The following DTNBP1 variants were observed in gnomAD, a reference collection of about 807,000 sequenced individuals.
DTNBP1 encodes the protein dysbindin.
Under a neutral mutation model 42.8 loss-of-function variants are expected in DTNBP1, and 35 were observed. The ratio of observed to expected loss-of-function variants is 0.82; its 90% CI spans 0.63 to 1.09. The LOEUF is 1.09. Ranked by LOEUF, DTNBP1 falls within the 50% of genes least tolerant of loss-of-function variation. The pLI is 0.00. For missense variants in DTNBP1, 457 were observed against 424.2 expected (o/e 1.08, Z -0.68); for synonymous variants, 171 against 162.2 (o/e 1.05, Z -0.41).
At chr6:15,548,215 A>G (rs2113395009) in intron 7 of DTNBP1, 1 of 152,342 alleles carries the variant, frequency 6.6e-6, no homozygotes, top group African/African-American at 2.4e-5. Context: ...AGACTGGTAA[A>G]TATCAACAGA....
At chr6:15,524,117 C>T in intron 9 of DTNBP1, 9 of 1,354,528 alleles carry the variant, frequency 6.6e-6, no homozygotes, top group Non-Finnish European at 8.7e-6. Context: ...TGGCTTTGCC[C>T]ATGGCAGGCA....
intron 7 of DTNBP1, among the ~76,000 whole-genome samples, chr6:15,550,321 G>C (rs1581305522): frequency 6.6e-6 from 1 of 151,936 alleles, no homozygotes; most frequent in South Asian, 2.1e-4. Context: ...ATACTTTTTT[G>C]GCAATTTACG....
intron 7 of DTNBP1, among the ~76,000 whole-genome samples, chr6:15,547,323 G>A (rs564998119): frequency 7.6e-4 from 116 of 152,170 alleles, no homozygotes; most frequent in South Asian, 1.7e-3. Flanking sequence ...GAGATTCCTG[G>A]ACCCCATATC....
chr6:15,629,225 C>T (rs1324456929), intron 4 of DTNBP1, among the ~76,000 whole-genome samples: 2 of 152,098 alleles, frequency 1.3e-5, no homozygotes, highest in African/African-American at 2.4e-5. Context: ...ATTTTGGATA[C>T]TGAAGATGTA....
intron 8 of DTNBP1, among the ~76,000 whole-genome samples, chr6:15,531,188 A>G (rs1349348302): frequency 6.6e-6 from 1 of 152,136 alleles, no homozygotes; most frequent in Non-Finnish European, 1.5e-5. Flanking sequence ...AGGCCTCCAG[A>G]ACTGAGGGAA....
At chr6:15,627,544 A>C (rs1203560877) in intron 4 of DTNBP1, 69 bp from the exon 5 acceptor site, 2 of 1,596,194 alleles carry the variant, frequency 1.3e-6, no homozygotes, top group East Asian at 4.5e-5. Flanking sequence ...AGTTAACGTA[A>C]TGAGATTTAA....
At chr6:15,537,255 G>C (rs567372214) in intron 7 of DTNBP1, among the ~76,000 whole-genome samples, 22,971 of 151,062 alleles carry the variant, frequency 0.15, 2,592 homozygotes, top group African/African-American at 0.31. Flanking sequence ...TGTATTTTTT[G>C]TAAAAATACA....
chr6:15,553,952 G>C (rs1010948728), intron 7 of DTNBP1, among the ~76,000 whole-genome samples: 3 of 152,086 alleles, frequency 2.0e-5, no homozygotes, highest in Non-Finnish European at 2.9e-5. Context: ...CAGGACACAA[G>C]ATCCTCATGT....
At chr6:15,584,786 C>T (rs1431564356) in intron 7 of DTNBP1, among the ~76,000 whole-genome samples, 13 of 131,836 alleles carry the variant, frequency 9.9e-5, no homozygotes, top group Admixed American at 3.4e-4. Context: ...CATGCCATAA[C>T]GTATGCCAAC....
intron 8 of DTNBP1, among the ~76,000 whole-genome samples, 160 bp downstream of exon 8, chr6:15,533,080 A>C (rs2127797515): frequency 6.6e-6 from 1 of 152,320 alleles, no homozygotes; most frequent in Middle Eastern, 3.4e-3. Flanking sequence ...AAGCAGGGCA[A>C]GAGAGAGGTG....
At chr6:15,553,082 T>C (rs1774304788) in intron 7 of DTNBP1, among the ~76,000 whole-genome samples, 1 of 152,190 alleles carries the variant, frequency 6.6e-6, no homozygotes, top group Admixed American at 6.5e-5. Flanking sequence ...CAAAAACTCT[T>C]GCCAACTTAT....
At chr6:15,646,069 G>A (rs547771356) in intron 3 of DTNBP1, among the ~76,000 whole-genome samples, 1 of 151,936 alleles carries the variant, frequency 6.6e-6, no homozygotes, top group South Asian at 2.1e-4. Flanking sequence ...AAGACTCATA[G>A]ACCTGATAAA....
intron 4 of DTNBP1, among the ~76,000 whole-genome samples, chr6:15,631,912 G>A (rs1759717919): frequency 6.6e-6 from 1 of 152,068 alleles, no homozygotes; most frequent in Non-Finnish European, 1.5e-5. Context: ...TTTCTTCCGA[G>A]GAAAGAAACA....
At chr6:15,526,530 C>CG (rs1772409559) in intron 8 of DTNBP1, among the ~76,000 whole-genome samples, 2 of 152,128 alleles carry the variant, frequency 1.3e-5, no homozygotes. Context: ...TTAGATGATC[C>CG]CATGCTTGGC....
intron 3 of DTNBP1, among the ~76,000 whole-genome samples, chr6:15,648,520 A>G (rs991127223): frequency 6.6e-6 from 1 of 152,186 alleles, no homozygotes; most frequent in African/African-American, 2.4e-5. Flanking sequence ...CACACAAAAA[A>G]CTATCAGGAT....
chr6:15,552,439 T>C (rs1022631206), intron 7 of DTNBP1, among the ~76,000 whole-genome samples: 6 of 152,214 alleles, frequency 3.9e-5, no homozygotes, highest in African/African-American at 1.4e-4. Flanking sequence ...ATTTATTCAA[T>C]GAAAGGTTTA....
chr6:15,650,669 T>C (rs965607743), intron 3 of DTNBP1, among the ~76,000 whole-genome samples: 1 of 152,220 alleles, frequency 6.6e-6, no homozygotes, highest in Non-Finnish European at 1.5e-5. Flanking sequence ...ATATCTTCTT[T>C]TGAGAAATGT....
chr6:15,595,316 G>T (rs1776473799), intron 6 of DTNBP1: 2 of 394,880 alleles, frequency 5.1e-6, no homozygotes, highest in Non-Finnish European at 9.5e-6. Context: ...CCAGGCTGGA[G>T]TGCAGCGGTG....
intron 7 of DTNBP1, among the ~76,000 whole-genome samples, chr6:15,565,826 T>C (rs548690142): frequency 2.3e-4 from 35 of 152,346 alleles, no homozygotes; most frequent in Admixed American, 1.8e-3. Flanking sequence ...GGAAAATTTA[T>C]GGCTTGTAGA....
Sources: allele counts gnomAD v4.1 joint callset (sites outside exome capture counted in the v4.1 genomes callset), GRCh38; gene constraint gnomAD v4.1.1; transcripts MANE v1.5; gene names NCBI Gene and HGNC (gene_info 2026-07-23, HGNC 2026-07-21).